Variants in INVS observed in about 807,000 individuals in gnomAD.
INVS encodes the protein inversion of embryo turning homolog.
A neutral mutation model predicts 108.8 loss-of-function variants in INVS; 86 were observed. The ratio of observed to expected loss-of-function variants is 0.79; its 90% CI spans 0.66 to 0.95. The LOEUF is 0.95. Among genes scored for constraint, INVS ranks in the 40% least tolerant of loss-of-function variants. The pLI is 0.00. For missense variants in INVS, 1,169 were observed against 1,297.4 expected, an observed-to-expected ratio of 0.90 and a Z score of 1.52; for synonymous variants, 455 against 473.5, an observed-to-expected ratio of 0.96 and a Z score of 0.51.
intron 10 of INVS, among the ~76,000 whole-genome samples, chr9:100,262,734 T>C (rs1487326370): frequency 7.3e-6 from 1 of 137,860 alleles, no homozygotes; most frequent in African/African-American, 2.5e-5. Context: ...TTTGGGTTTT[T>C]TTGTTTGCTT....
At chr9:100,222,405 A>G (rs1021150854) in intron 3 of INVS, among the ~76,000 whole-genome samples, 8 of 152,218 alleles carry the variant, frequency 5.3e-5, no homozygotes, top group Admixed American at 5.2e-4. Flanking sequence ...TACTTCTGTG[A>G]GAAACAAAGA....
chr9:100,207,335 C>A (rs973617148), intron 3 of INVS, among the ~76,000 whole-genome samples: 2 of 151,662 alleles, frequency 1.3e-5, no homozygotes, highest in African/African-American at 4.8e-5. Flanking sequence ...ACTCTGTCAC[C>A]CAGGCTGGAA....
intron 10 of INVS, among the ~76,000 whole-genome samples, chr9:100,253,585 C>T (rs1832314593): frequency 2.0e-5 from 3 of 152,148 alleles, no homozygotes; most frequent in East Asian, 1.9e-4. Context: ...CCACACCAGC[C>T]CCCGGTGTGT....
chr9:100,107,487 C>T (rs1270667994), intron 2 of INVS, among the ~76,000 whole-genome samples: 2 of 152,148 alleles, frequency 1.3e-5, no homozygotes, highest in African/African-American at 2.4e-5. Flanking sequence ...ACCTGTCCAT[C>T]CTCACGTTTT....
At chr9:100,244,721 TC>T (rs1229429544) in intron 7 of INVS, among the ~76,000 whole-genome samples, 1 of 152,196 alleles carries the variant, frequency 6.6e-6, no homozygotes, top group Non-Finnish European at 1.5e-5. Context: ...TACAACTCGT[TC>T]CTTGAAAAAT....
chr9:100,167,497 A>G (rs1310551565), intron 3 of INVS, among the ~76,000 whole-genome samples: 1 of 152,050 alleles, frequency 6.6e-6, no homozygotes, highest in Non-Finnish European at 1.5e-5. Flanking sequence ...TGCTTTCATT[A>G]GTTTCTTATT....
intron 3 of INVS, among the ~76,000 whole-genome samples, chr9:100,140,688 C>T (rs906561899): frequency 2.6e-5 from 4 of 151,820 alleles, no homozygotes; most frequent in African/African-American, 9.7e-5. Context: ...AGATAATGGG[C>T]GATGTTTCTT....
Position 100,104,766 on chromosome 9 carries a change from T to C in INVS, c.106+139T>C, listed in dbSNP as rs1268127445. 3 of 716,724 alleles carry C rather than the reference T, an allele frequency of 4.2e-6. No homozygotes were observed. In the African/African-American group the frequency reaches 5.3e-5, roughly 13 times the overall value. 44.4% of individuals were successfully genotyped at this position (716,724 alleles called of 1,614,324 possible). A position where few individuals can be genotyped will look rare whatever the true frequency, so the allele number is the denominator to read the frequency against. ...ATTATTTATATTTTCTTCCAACACATGAACAAGAAAGGAATTAAGTCCTAA... is the reference window on the plus strand; with the variant it reads ...ATTATTTATATTTTCTTCCAACACACGAACAAGAAAGGAATTAAGTCCTAA... On this transcript the variant is annotated intron_variant, in intron 2 of 16. Coordinates refer to ENST00000262457, the MANE Select transcript of INVS (RefSeq NM_014425.5).
intron 3 of INVS, among the ~76,000 whole-genome samples, chr9:100,150,982 A>G (rs1305575446): frequency 6.6e-6 from 1 of 152,218 alleles, no homozygotes; most frequent in Non-Finnish European, 1.5e-5. Flanking sequence ...CAATCAAAAT[A>G]GTATTCAGTG....
chr9:100,251,338 G>A (rs1832228625), intron 8 of INVS, among the ~76,000 whole-genome samples: 1 of 152,220 alleles, frequency 6.6e-6, no homozygotes, highest in Non-Finnish European at 1.5e-5. Context: ...AGGCCTTATA[G>A]AGCCATAATA....
At chr9:100,122,576 CTTTTTTTTTT>C (rs1161036698) in intron 2 of INVS, among the ~76,000 whole-genome samples, 2 of 57,518 alleles carry the variant, frequency 3.5e-5, no homozygotes, top group African/African-American at 6.7e-5. Flanking sequence ...AAGTGAGTTT[CTTTTTTTTTT>C]TTTTTTTTTT....
rs1200630156 is a variant in INVS, at chr9:100,100,904, TATATATATTATATGTATATATATA to T, written c.-25+1497_-25+1520del. 4.7e-3 allele frequency among the ~76,000 whole-genome samples: 166 copies of T among 35,434 alleles called. 7 individuals are homozygous for T. The highest frequency in any genetic ancestry group is 0.025 in the African/African-American group (120 of 4,822). The allele number at this position is 35,434 out of a possible 152,430, so 23.2% of individuals were successfully genotyped here. A position where few individuals can be genotyped will look rare whatever the true frequency, so the allele number is the denominator to read the frequency against. On this transcript the variant is annotated intron_variant, in intron 1 of 16. Transcript: ENST00000262457. ...GTATATATAATATATATTATATATG[TATATATATTATATGTATATATATA>T]ATATATATAATATATATACATATAT...
At chr9:100,129,686 C>A (rs1228110490) in intron 3 of INVS, 1 of 713,212 alleles carries the variant, frequency 1.4e-6, no homozygotes, top group Admixed American at 2.0e-5. Context: ...GCATTGAGAA[C>A]AATCAGCACA....
intron 2 of INVS, among the ~76,000 whole-genome samples, chr9:100,115,498 C>T (rs1040815216): frequency 3.3e-5 from 5 of 151,980 alleles, no homozygotes; most frequent in Admixed American, 2.6e-4. Flanking sequence ...TGTTCCCCTT[C>T]CTGTGTCCAA....
At chr9:100,289,560 A>C (rs533226047) in intron 13 of INVS, among the ~76,000 whole-genome samples, 1 of 152,330 alleles carries the variant, frequency 6.6e-6, no homozygotes, top group Admixed American at 6.5e-5. Flanking sequence ...CTCATTCATG[A>C]GGTTGATAGA....
chr9:100,194,131 A>T (rs551934856), intron 3 of INVS, among the ~76,000 whole-genome samples: 1 of 152,362 alleles, frequency 6.6e-6, no homozygotes, highest in South Asian at 2.1e-4. Flanking sequence ...TTAACTTTTA[A>T]GAAAATGGTG....
intron 3 of INVS, among the ~76,000 whole-genome samples, chr9:100,147,791 A>G (rs1259012776): frequency 2.0e-5 from 3 of 152,186 alleles, no homozygotes; most frequent in Non-Finnish European, 4.4e-5. Flanking sequence ...GGTGTCTATT[A>G]AAATGAAAAT....
At chr9:100,281,748 C>T (rs929266902) in intron 12 of INVS, among the ~76,000 whole-genome samples, 3 of 144,412 alleles carry the variant, frequency 2.1e-5, no homozygotes, top group Admixed American at 6.9e-5. Context: ...CCTGGTATCC[C>T]CCCTCCAAAG....
intron 3 of INVS, among the ~76,000 whole-genome samples, chr9:100,224,524 A>AT (rs775595329): frequency 1.3e-4 from 20 of 152,100 alleles, no homozygotes; most frequent in Non-Finnish European, 2.8e-4. Context: ...TTAGAGTCTT[A>AT]TTTTGTTCAA....
Sources: gnomAD v4.1 joint callset for allele counts (sites outside exome capture counted in the v4.1 genomes callset) on GRCh38, gnomAD v4.1.1 for gene constraint, MANE v1.5 for transcripts, NCBI Gene and HGNC (gene_info 2026-07-23, HGNC 2026-07-21) for gene names.